Variants in RFTN2 observed in about 807,000 individuals in gnomAD.
The protein encoded by RFTN2 is raftlin-2.
In RFTN2, 34 loss-of-function variants were observed where a neutral mutation model predicts 52.7. That is an observed-to-expected ratio of 0.64 (90% confidence interval 0.49 to 0.86). The LOEUF is 0.86. Ranked by LOEUF, RFTN2 falls within the 40% of genes least tolerant of loss-of-function variation. The pLI is 0.00. For missense variants in RFTN2, 536 were observed against 600.1 expected (o/e 0.89, Z 1.12); for synonymous variants, 203 against 217.7 (o/e 0.93, Z 0.59).
At chr2:197,573,094 A>G (rs1462153003) in intron 8 of RFTN2, among the ~76,000 whole-genome samples, 1 of 144,908 alleles carries the variant, frequency 6.9e-6, no homozygotes, top group Non-Finnish European at 1.5e-5. Flanking sequence ...AATTGGTACT[A>G]GTAGAGTGGC....
chr2:197,609,539 G>A (rs551564418), intron 7 of RFTN2, among the ~76,000 whole-genome samples: 221 of 152,250 alleles, frequency 1.5e-3, no homozygotes, highest in Non-Finnish European at 2.1e-3. Context: ...TTAGCCCTTT[G>A]TCAGATGGAT....
chr2:197,663,499 T>C (rs140230512), intron 1 of RFTN2, among the ~76,000 whole-genome samples: 2 of 152,334 alleles, frequency 1.3e-5, no homozygotes, highest in East Asian at 3.9e-4. Context: ...TGATTTAATC[T>C]TGCTATTCAT....
chr2:197,610,265 A>G (rs2088034321), intron 7 of RFTN2, among the ~76,000 whole-genome samples: 1 of 152,144 alleles, frequency 6.6e-6, no homozygotes, highest in African/African-American at 2.4e-5. Flanking sequence ...ATGTTCTTCC[A>G]TTTGTTTGTG....
At chr2:197,650,196 T>G (rs2088806546) in intron 1 of RFTN2, among the ~76,000 whole-genome samples, 1 of 152,078 alleles carries the variant, frequency 6.6e-6, no homozygotes, top group Non-Finnish European at 1.5e-5. Context: ...GTGTTAAGTA[T>G]ACACGCATTA....
At chr2:197,576,388 C>T (rs1445252209) in intron 8 of RFTN2, among the ~76,000 whole-genome samples, 2 of 152,028 alleles carry the variant, frequency 1.3e-5, no homozygotes, top group African/African-American at 2.4e-5. Flanking sequence ...TCATATCCTC[C>T]TAGGCACATA....
intron 8 of RFTN2, among the ~76,000 whole-genome samples, chr2:197,583,576 C>T (rs1334108488): frequency 6.6e-6 from 1 of 151,794 alleles, no homozygotes; most frequent in African/African-American, 2.4e-5. Context: ...TTTAAAGACA[C>T]ACTTCACCAA....
At chr2:197,674,805 T>TA (rs904661541) in intron 1 of RFTN2, among the ~76,000 whole-genome samples, 1 of 151,570 alleles carries the variant, frequency 6.6e-6, no homozygotes, top group Non-Finnish European at 1.5e-5. Context: ...TTTTTTTTTT[T>TA]AACTACATTT....
At chr2:197,602,153 CCTTGTGGGTTCAAGTGATT>C in intron 7 of RFTN2, among the ~76,000 whole-genome samples, 1 of 152,002 alleles carries the variant, frequency 6.6e-6, no homozygotes, top group East Asian at 2.0e-4. Context: ...GCAACCCCCA[CCTTGTGGGTTCAAGTGATT>C]CTCCTGCCTC....
At chr2:197,581,615 C>G (rs371325879) in intron 8 of RFTN2, among the ~76,000 whole-genome samples, 3 of 152,156 alleles carry the variant, frequency 2.0e-5, no homozygotes, top group African/African-American at 4.8e-5. Flanking sequence ...ACAAGACACC[C>G]TCCTGCTTCT....
chr2:197,634,086 A>T, intron 3 of RFTN2, 89 bp from the exon 4 acceptor site: 2 of 1,117,376 alleles, frequency 1.8e-6, no homozygotes, highest in Non-Finnish European at 2.5e-6. Context: ...TATTGAGGAA[A>T]TCCACTAGAA....
chr2:197,610,973 G>T (rs1197665926), intron 7 of RFTN2, among the ~76,000 whole-genome samples: 1 of 152,156 alleles, frequency 6.6e-6, no homozygotes, highest in Admixed American at 6.6e-5. Flanking sequence ...CGACTTGATT[G>T]TGGTGGATAA....
At chr2:197,620,609 T>G (rs756096692) in intron 5 of RFTN2, among the ~76,000 whole-genome samples, 13 of 152,244 alleles carry the variant, frequency 8.5e-5, no homozygotes, top group Non-Finnish European at 1.9e-4. Flanking sequence ...TTATTATTTT[T>G]TTGACATAAT....
At position 197,570,060 on chromosome 2, in the gene RFTN2, G is replaced by A. The variant is rs74972753; in HGVS notation, c.*1948C>T. The A allele has an allele frequency of 1.7e-4, 26 of 151,466 alleles. No individual in the cohort carries two copies. In the East Asian group the frequency reaches 4.9e-3, roughly 28 times the overall value. The allele number at this position is 151,466 out of a possible 1,614,324, so 9.4% of individuals were successfully genotyped here. On this transcript the variant is annotated 3_prime_UTR_variant, in exon 9 of 9. Coordinates refer to ENST00000295049, the MANE Select transcript of RFTN2 (RefSeq NM_144629.3). ...TGTATGTGGGCTGAATGATAAAGAA[G>A]TCTCTACCTCTTGTAGACCCTGGAA...
At chr2:197,593,500 C>T (rs899214449) in intron 8 of RFTN2, among the ~76,000 whole-genome samples, 1 of 152,162 alleles carries the variant, frequency 6.6e-6, no homozygotes, top group Non-Finnish European at 1.5e-5. Flanking sequence ...TCTTCACAAG[C>T]ACAACTCCAT....
At chr2:197,621,479 GGT>G (rs936518715) in intron 5 of RFTN2, among the ~76,000 whole-genome samples, 35 of 143,882 alleles carry the variant, frequency 2.4e-4, no homozygotes, top group Non-Finnish European at 2.4e-4. Context: ...TTTTTCCAAA[GGT>G]GTGTACTCAC....
chr2:197,640,342 C>T (rs867440608), intron 3 of RFTN2, among the ~76,000 whole-genome samples: 22 of 152,264 alleles, frequency 1.4e-4, no homozygotes, highest in Middle Eastern at 3.4e-3. Context: ...GCCTCACTGC[C>T]GCCTTGCAGT....
intron 3 of RFTN2, among the ~76,000 whole-genome samples, chr2:197,643,513 CAACT>C (rs1457194867): frequency 1.3e-5 from 2 of 152,100 alleles, no homozygotes; most frequent in Admixed American, 6.5e-5. Context: ...AACCTGTTAC[CAACT>C]GTCTCCTAAT....
At chr2:197,588,438 C>T (rs1453666534) in intron 8 of RFTN2, among the ~76,000 whole-genome samples, 2 of 152,250 alleles carry the variant, frequency 1.3e-5, no homozygotes, top group Non-Finnish European at 2.9e-5. Context: ...TGGTCTCAAA[C>T]TCCTGGCCTC....
intron 4 of RFTN2, among the ~76,000 whole-genome samples, chr2:197,633,423 A>G (rs2088497907): frequency 6.6e-6 from 1 of 152,170 alleles, no homozygotes; most frequent in South Asian, 2.1e-4. Flanking sequence ...TTTGGTACAC[A>G]TGTACAGCCT....
Sources: gnomAD v4.1 joint callset for allele counts (sites outside exome capture counted in the v4.1 genomes callset) on GRCh38, gnomAD v4.1.1 for gene constraint, MANE v1.5 for transcripts, NCBI Gene and HGNC (gene_info 2026-07-23, HGNC 2026-07-21) for gene names.